The following ATP2C1 variants were observed in gnomAD, a reference collection of about 807,000 sequenced individuals.
ATP2C1 encodes calcium-transporting ATPase type 2C member 1.
ATP2C1 carries 31 observed loss-of-function variants against 120.5 expected under a neutral mutation model. The ratio of observed to expected loss-of-function variants is 0.26; its 90% CI spans 0.19 to 0.35. The LOEUF is 0.35. Ranked by LOEUF, ATP2C1 falls within the 10% of genes least tolerant of loss-of-function variation. ATP2C1 has a pLI of 1.00. For missense variants in ATP2C1, 731 were observed against 1,107.5 expected (o/e 0.66, Z 4.83); for synonymous variants, 351 against 358.7 (o/e 0.98, Z 0.24).
intron 1 of ATP2C1, among the ~76,000 whole-genome samples, chr3:130,885,142 C>G (rs1188368536): frequency 1.3e-5 from 2 of 152,026 alleles, no homozygotes; most frequent in African/African-American, 4.8e-5. Flanking sequence ...CCATGTTGGC[C>G]AGGCTGGTCT....
chr3:130,935,662 A>G (rs2059635305), intron 5 of ATP2C1, among the ~76,000 whole-genome samples: 1 of 152,234 alleles, frequency 6.6e-6, no homozygotes, highest in African/African-American at 2.4e-5. Flanking sequence ...GACTTTTGGC[A>G]TTAATGGCAC....
In ATP2C1 at chr3:130,932,431, G is replaced by A. The variant is rs1301732865; in HGVS notation, c.234+293G>A. On this transcript the variant is annotated intron_variant, in intron 4 of 27. Transcript: ENST00000510168. Reference sequence around the variant, plus strand: ...CCTACACTATTTAAATGATAGGACTGGCAATATTTTTTAAGGTAATCATGG... The same window carrying A: ...CCTACACTATTTAAATGATAGGACTAGCAATATTTTTTAAGGTAATCATGG... Among the ~76,000 whole-genome samples the A allele has an allele frequency of 3.3e-5, 5 of 152,132 alleles. No homozygotes were observed. In the South Asian group the frequency reaches 6.2e-4, roughly 19 times the overall value.
At chr3:130,863,607 G>C (rs368027990) in intron 1 of ATP2C1, among the ~76,000 whole-genome samples, 12 of 152,226 alleles carry the variant, frequency 7.9e-5, no homozygotes, top group East Asian at 5.8e-4. Flanking sequence ...TGGTTTAGCT[G>C]TGTTCACACC....
chr3:131,016,166 G>A, exon 27 of ATP2C1: 1 of 1,614,046 alleles, frequency 6.2e-7, no homozygotes, highest in Non-Finnish European at 8.5e-7. Context: ...GGCTCTGGGA[G>A]AGGAGTGGAC....
chr3:130,936,224 T>A (rs1345898944), intron 5 of ATP2C1, among the ~76,000 whole-genome samples: 1 of 151,714 alleles, frequency 6.6e-6, no homozygotes, highest in African/African-American at 2.4e-5. Flanking sequence ...AAAAAAAAAA[T>A]TGTTACGAAA....
upstream of ATP2C1, among the ~76,000 whole-genome samples, chr3:130,890,782 T>C (rs1253174186): frequency 1.3e-5 from 2 of 152,236 alleles, no homozygotes; most frequent in African/African-American, 4.8e-5. Flanking sequence ...ACAACACTCT[T>C]GGCAATAAAA....
At position 131,002,786 on chromosome 3, in the gene ATP2C1, G is replaced by T. The variant is rs1383181390; in HGVS notation, c.*1436G>T. ...CTGCAAGTGTTAGCACTGAAATATT[G>T]TCATTGATAGGGAAAATATCTATTC... On this transcript the variant is annotated 3_prime_UTR_variant, in exon 28 of 28. Transcript: ENST00000510168. 1 of 985,442 alleles carries T rather than the reference G, an allele frequency of 1.0e-6. No individual in the cohort carries two copies. Among genetic ancestry groups the T allele is most frequent in the Non-Finnish European group, 1.2e-6 (1 of 829,912 alleles). The allele number at this position is 985,442 out of a possible 1,614,324, so 61.0% of individuals were successfully genotyped here.
upstream of ATP2C1, among the ~76,000 whole-genome samples, chr3:130,892,457 ACTC>A (rs1200145523): frequency 6.7e-6 from 1 of 150,284 alleles, no homozygotes; most frequent in Non-Finnish European, 1.5e-5. Flanking sequence ...ATAAATAGTA[ACTC>A]CTAAGACTAG....
At chr3:130,888,662 C>A (rs1247265416) in intron 1 of ATP2C1, among the ~76,000 whole-genome samples, 1 of 152,222 alleles carries the variant, frequency 6.6e-6, no homozygotes, top group African/African-American at 2.4e-5. Flanking sequence ...CTCCCTCCCC[C>A]AAGTGCATAT....
At position 131,002,409 on chromosome 3, in the gene ATP2C1, C is replaced by T; in HGVS notation, c.*1059C>T. On this transcript the variant is annotated 3_prime_UTR_variant, in exon 28 of 28. Transcript: ENST00000510168. ...TGTGGAAGATTCTTTGCTGGTCTTG[C>T]TCTGTGTGCATCTGAAGCTTCTTTG... The T allele has an allele frequency of 1.0e-6, 1 of 985,390 alleles. No individual in the cohort carries two copies. The highest frequency in any genetic ancestry group is 4.7e-5 in the South Asian group (1 of 21,284). 61.0% of individuals were successfully genotyped at this position (985,390 alleles called of 1,614,324 possible).
intron 19 of ATP2C1, among the ~76,000 whole-genome samples, chr3:130,979,695 CAG>C (rs1297343183): frequency 5.9e-5 from 9 of 151,964 alleles, no homozygotes; most frequent in Non-Finnish European, 8.8e-5. Flanking sequence ...ACTGTGATGA[CAG>C]AGTAAAAGCA....
chr3:130,881,142 C>G (rs1006795564), intron 1 of ATP2C1, among the ~76,000 whole-genome samples: 1 of 152,168 alleles, frequency 6.6e-6, no homozygotes, highest in Admixed American at 6.6e-5. Flanking sequence ...ATTGATACAG[C>G]ATTTAAATGG....
chr3:130,947,142 C>T (rs908003614), intron 8 of ATP2C1, among the ~76,000 whole-genome samples: 7 of 152,042 alleles, frequency 4.6e-5, no homozygotes, highest in South Asian at 2.1e-4. Context: ...TTCTAATGTG[C>T]CTAGGAATCA....
At chr3:131,015,905 A>AT in intron 26 of ATP2C1, 1 of 627,398 alleles carries the variant, frequency 1.6e-6, no homozygotes. Context: ...AAAGGAACTG[A>AT]TTTTTTAAAA....
chr3:130,953,743 A>G, intron 8 of ATP2C1, 78 bp from the exon 9 acceptor site: 1 of 1,456,534 alleles, frequency 6.9e-7, no homozygotes, highest in Non-Finnish European at 9.6e-7. Context: ...TTTGAGGAAG[A>G]AGTGATGATG....
At chr3:130,981,753 T>C (rs2061774481) in intron 20 of ATP2C1, among the ~76,000 whole-genome samples, 1 of 152,224 alleles carries the variant, frequency 6.6e-6, no homozygotes, top group South Asian at 2.1e-4. Flanking sequence ...CCCATTCTGA[T>C]AAGTGTACAA....
chr3:130,876,200 CT>C (rs970132853), intron 1 of ATP2C1, among the ~76,000 whole-genome samples: 31 of 151,896 alleles, frequency 2.0e-4, no homozygotes, highest in African/African-American at 6.5e-4. Flanking sequence ...AAATTTTTTC[CT>C]AGACCAATGT....
chr3:130,954,729 C>T (rs1234559714), intron 9 of ATP2C1, among the ~76,000 whole-genome samples: 1 of 152,144 alleles, frequency 6.6e-6, no homozygotes, highest in Non-Finnish European at 1.5e-5. Context: ...TCAAGTGATC[C>T]ACCCGCCTCG....
At chr3:131,013,648 G>A (rs1393906611) in intron 26 of ATP2C1, among the ~76,000 whole-genome samples, 4 of 152,276 alleles carry the variant, frequency 2.6e-5, no homozygotes, top group African/African-American at 9.6e-5. Context: ...ACTTTCATTG[G>A]CCAGACTTCA....
Sources: allele counts gnomAD v4.1 joint callset (sites outside exome capture counted in the v4.1 genomes callset), GRCh38; gene constraint gnomAD v4.1.1; transcripts MANE v1.5; gene names NCBI Gene and HGNC (gene_info 2026-07-23, HGNC 2026-07-21).